The following GRIP1 variants were observed in gnomAD, a reference collection of about 807,000 sequenced individuals.
GRIP1 encodes glutamate receptor interacting protein 1, also known as glutamate receptor-interacting protein 1.
Under a neutral mutation model 129.9 loss-of-function variants are expected in GRIP1, and 45 were observed. The observed-to-expected ratio is 0.35, with a 90% CI of 0.27 to 0.44. The LOEUF is 0.44. Ranked by LOEUF, GRIP1 falls within the 20% of genes least tolerant of loss-of-function variation. GRIP1 has a pLI of 1.00. For missense variants in GRIP1, 1,196 were observed against 1,396.8 expected (o/e 0.86, Z 2.29); for synonymous variants, 530 against 520.8 (o/e 1.02, Z -0.24).
chr12:66,953,590 T>C (rs775365167), intron 1 of GRIP1, among the ~76,000 whole-genome samples: 2 of 152,144 alleles, frequency 1.3e-5, no homozygotes, highest in Non-Finnish European at 2.9e-5. Context: ...AGCAAAATAA[T>C]AGAGAAGGCA....
At chr12:66,411,485 C>T (rs1376846188) in intron 15 of GRIP1, among the ~76,000 whole-genome samples, 3 of 152,168 alleles carry the variant, frequency 2.0e-5, no homozygotes, top group Non-Finnish European at 4.4e-5. Context: ...GATCAGCAAC[C>T]TCAAAGATTG....
At chr12:66,474,484 A>C (rs1485901272) in intron 7 of GRIP1, among the ~76,000 whole-genome samples, 1 of 152,134 alleles carries the variant, frequency 6.6e-6, no homozygotes, top group Non-Finnish European at 1.5e-5. Context: ...AGAATGCCCC[A>C]AAGATACCCC....
intron 1 of GRIP1, among the ~76,000 whole-genome samples, chr12:66,749,617 G>A (rs1057381015): frequency 6.6e-6 from 1 of 152,152 alleles, no homozygotes; most frequent in African/African-American, 2.4e-5. Flanking sequence ...TAATTTGGCA[G>A]TTTTGCCACT....
intron 1 of GRIP1, among the ~76,000 whole-genome samples, chr12:66,879,231 T>C (rs1381687385): frequency 6.6e-6 from 1 of 151,662 alleles, no homozygotes; most frequent in African/African-American, 2.4e-5. Flanking sequence ...GCTGTGTTAA[T>C]CTCTATTTTT....
intron 1 of GRIP1, among the ~76,000 whole-genome samples, chr12:66,987,846 C>T (rs920753816): frequency 2.6e-5 from 4 of 152,176 alleles, no homozygotes; most frequent in African/African-American, 9.7e-5. Flanking sequence ...TCAACCAATG[C>T]TTTCAGGAAT....
intron 2 of GRIP1, among the ~76,000 whole-genome samples, chr12:66,585,637 C>G (rs1313580561): frequency 6.9e-6 from 1 of 145,438 alleles, no homozygotes; most frequent in Non-Finnish European, 1.5e-5. Context: ...ATGGCTGGGT[C>G]AAATGGTATT....
At chr12:67,069,278 C>A (rs1452135219), upstream of GRIP1, 1 of 193,900 alleles carries the variant, frequency 5.2e-6, no homozygotes, top group Non-Finnish European at 9.2e-6. Context: ...CCGCGCGCCC[C>A]GCGCTCCCCT....
At chr12:66,823,281 A>G (rs532658141) in intron 1 of GRIP1, among the ~76,000 whole-genome samples, 90 of 152,316 alleles carry the variant, frequency 5.9e-4, no homozygotes, top group South Asian at 1.2e-3. Flanking sequence ...AGCATTGTAA[A>G]GAACTGTTTT....
chr12:66,485,660 T>C (rs2059933261), intron 7 of GRIP1, among the ~76,000 whole-genome samples: 1 of 151,944 alleles, frequency 6.6e-6, no homozygotes, highest in South Asian at 2.1e-4. Flanking sequence ...GATGCTCTCA[T>C]ATGCTTTTTT....
At chr12:66,450,357 C>CAGTTTA (rs2058755661) in intron 11 of GRIP1, among the ~76,000 whole-genome samples, 1 of 127,136 alleles carries the variant, frequency 7.9e-6, no homozygotes, top group African/African-American at 3.0e-5. Flanking sequence ...AAAAAGAAGT[C>CAGTTTA]AGTTTAATAG....
intron 1 of GRIP1, among the ~76,000 whole-genome samples, chr12:67,024,704 A>G (rs2042916198): frequency 6.6e-6 from 1 of 152,218 alleles, no homozygotes; most frequent in Non-Finnish European, 1.5e-5. Flanking sequence ...TCTCTTAGAA[A>G]CTTACAAAAG....
chr12:66,866,221 C>A (rs1014925751), intron 1 of GRIP1, among the ~76,000 whole-genome samples: 1 of 152,138 alleles, frequency 6.6e-6, no homozygotes, highest in South Asian at 2.1e-4. Flanking sequence ...ATAATCCCAG[C>A]ACTTTGAGAG....
chr12:67,024,072 A>G (rs2042905946), intron 1 of GRIP1, among the ~76,000 whole-genome samples: 2 of 152,284 alleles, frequency 1.3e-5, no homozygotes, highest in African/African-American at 4.8e-5. Flanking sequence ...GCAGCAAGCA[A>G]AAAGCCCTTT....
At chr12:67,069,314 C>A (rs1565666010), upstream of GRIP1, among the ~76,000 whole-genome samples, 2 of 8,978 alleles carry the variant, frequency 2.2e-4, no homozygotes, top group Admixed American at 4.5e-3. Flanking sequence ...CTCCGGGCGG[C>A]GGCGGCGGCG....
chr12:66,680,015 G>T (rs1592736576), upstream of GRIP1, among the ~76,000 whole-genome samples: 1 of 151,922 alleles, frequency 6.6e-6, no homozygotes, highest in East Asian at 1.9e-4. Context: ...ATTTGGTAGG[G>T]AATTTTAATC....
intron 1 of GRIP1, among the ~76,000 whole-genome samples, chr12:66,619,483 C>T (rs2065179197): frequency 6.6e-6 from 1 of 152,006 alleles, no homozygotes; most frequent in South Asian, 2.1e-4. Context: ...TTAGTGGCAC[C>T]TTTGACAAAA....
At chr12:66,687,712 C>T (rs1011670258) in intron 1 of GRIP1, among the ~76,000 whole-genome samples, 5 of 152,164 alleles carry the variant, frequency 3.3e-5, no homozygotes, top group Non-Finnish European at 7.3e-5. Flanking sequence ...GGGCTCCTTC[C>T]TCTTCAGGGA....
chr12:66,733,697 G>C (rs374890066), intron 1 of GRIP1, among the ~76,000 whole-genome samples: 4 of 152,142 alleles, frequency 2.6e-5, no homozygotes, highest in East Asian at 3.8e-4. Context: ...ACTATTTTTA[G>C]GTCTTTATAT....
chr12:66,596,737 CAT>C (rs2064064810), intron 2 of GRIP1, 108 bp downstream of exon 2: 2 of 715,076 alleles, frequency 2.8e-6, no homozygotes, highest in Non-Finnish European at 5.1e-6. Flanking sequence ...TGTGAAATAA[CAT>C]GATTTATTAT....
Sources: gnomAD v4.1 joint callset for allele counts (sites outside exome capture counted in the v4.1 genomes callset) on GRCh38, gnomAD v4.1.1 for gene constraint, MANE v1.5 for transcripts, NCBI Gene and HGNC (gene_info 2026-07-23, HGNC 2026-07-21) for gene names.